STAT5B: variants seen among roughly 807,000 people sequenced by gnomAD.
STAT5B encodes transcription factor STAT5B.
Under a neutral mutation model 107.8 loss-of-function variants are expected in STAT5B, and 21 were observed. The observed-to-expected ratio is 0.19, with a 90% CI of 0.14 to 0.28. STAT5B has a LOEUF of 0.28. STAT5B is among the 10% of genes least tolerant of loss of function. STAT5B has a pLI of 1.00. For missense variants in STAT5B, 565 were observed against 1,008.2 expected, an observed-to-expected ratio of 0.56 and a Z score of 5.95; for synonymous variants, 325 against 401.7, an observed-to-expected ratio of 0.81 and a Z score of 2.28.
chr17:42,208,988 C>T (rs2080107587), intron 15 of STAT5B, among the ~76,000 whole-genome samples: 1 of 151,438 alleles, frequency 6.6e-6, no homozygotes, highest in South Asian at 2.1e-4. Context: ...CTGCCTTGGC[C>T]TCCCAAAGTG....
chr17:42,266,169 C>T (rs952091223), intron 1 of STAT5B, among the ~76,000 whole-genome samples: 3 of 151,790 alleles, frequency 2.0e-5, no homozygotes, highest in African/African-American at 7.3e-5. Context: ...TTCAAATTTA[C>T]CAATAAAACT....
intron 1 of STAT5B, among the ~76,000 whole-genome samples, chr17:42,248,006 AG>A (rs966171256): frequency 3.9e-5 from 6 of 152,032 alleles, no homozygotes; most frequent in African/African-American, 1.2e-4. Flanking sequence ...GGCCAGGCAC[AG>A]TGGCTCATGC....
chr17:42,253,821 G>A (rs187991274), intron 1 of STAT5B, among the ~76,000 whole-genome samples: 1 of 152,148 alleles, frequency 6.6e-6, no homozygotes, highest in African/African-American at 2.4e-5. Flanking sequence ...GATTACAGGC[G>A]TGAGTCACCG....
chr17:42,227,772 A>C (rs989292477), intron 2 of STAT5B, 87 bp from the exon 3 acceptor site: 1 of 1,403,450 alleles, frequency 7.1e-7, no homozygotes, highest in African/African-American at 1.4e-5. Flanking sequence ...CTTTTTCTTC[A>C]ACTAAAGTGA....
At chr17:42,253,145 A>G (rs2080513937) in intron 1 of STAT5B, among the ~76,000 whole-genome samples, 3 of 149,910 alleles carry the variant, frequency 2.0e-5, no homozygotes, top group Admixed American at 2.0e-4. Flanking sequence ...TCTTTTTTTC[A>G]TCTCTGTGAG....
chr17:42,218,076 G>A (rs2080188639), intron 9 of STAT5B, 75 bp downstream of exon 9: 1 of 1,561,156 alleles, frequency 6.4e-7, no homozygotes, highest in African/African-American at 1.4e-5. Flanking sequence ...TCTGACACAG[G>A]AGGCAGAATT....
chr17:42,256,754 G>A (rs1457006209), intron 1 of STAT5B, among the ~76,000 whole-genome samples: 2 of 151,092 alleles, frequency 1.3e-5, no homozygotes, highest in Non-Finnish European at 2.9e-5. Context: ...CCCAGCTACT[G>A]GGGAGGCTGA....
intron 9 of STAT5B, 127 bp from the exon 10 acceptor site, chr17:42,217,591 T>A (rs2080183080): frequency 1.0e-6 from 1 of 957,094 alleles, no homozygotes; most frequent in East Asian, 2.6e-5. Flanking sequence ...TTAGAGGAAA[T>A]GTTAGCTACA....
chr17:42,267,435 C>A (rs762470781), intron 1 of STAT5B, among the ~76,000 whole-genome samples: 2 of 152,164 alleles, frequency 1.3e-5, no homozygotes, highest in South Asian at 4.1e-4. Context: ...ATACTGATGA[C>A]CCTGACCCTG....
chr17:42,201,856 G>A lies in STAT5B; in HGVS notation c.2246C>T (p.Ser749Leu). ...HYNMYPQNPD[S>L]VLDTDGDFDL... is the part of the protein sequence containing the mutation. The stretch of plus-strand genomic sequence containing the variant: ...GAAGTCCCCATCGGTGTCAAGGACT[G>A]AGTCAGGGCTTGGGAGGGAAAGAAG... The change falls in exon 19 of 19, where the codon TCA becomes TTA. Residue 749 changes from serine to leucine, a missense_variant. By Grantham distance (145) the Ser-to-Leu change is moderately radical. Coordinates refer to ENST00000293328, the MANE Select transcript of STAT5B (RefSeq NM_012448.4). 2 of 1,613,952 alleles carry A rather than the reference G, an allele frequency of 1.2e-6. No homozygotes were observed. Among genetic ancestry groups the A allele is most frequent in the Non-Finnish European group, 1.7e-6 (2 of 1,179,968 alleles).
the STAT5B span, among the ~76,000 whole-genome samples, chr17:42,286,018 G>C: frequency 3.3e-5 from 5 of 151,952 alleles, no homozygotes; most frequent in Non-Finnish European, 7.4e-5. Context: ...TCGGGAGTTC[G>C]AGACCAGCCT....
intron 1 of STAT5B, among the ~76,000 whole-genome samples, chr17:42,262,816 A>T (rs2080614968): frequency 7.9e-6 from 1 of 127,230 alleles, no homozygotes; most frequent in Non-Finnish European, 1.7e-5. Flanking sequence ...ATATACACAC[A>T]TATATATGTG....
intron 16 of STAT5B, among the ~76,000 whole-genome samples, chr17:42,207,286 C>T (rs932901882): frequency 1.4e-4 from 22 of 151,902 alleles, no homozygotes; most frequent in African/African-American, 4.8e-4. Flanking sequence ...AAAATTTTAC[C>T]TAATTTTGTT....
intron 1 of STAT5B, among the ~76,000 whole-genome samples, chr17:42,274,011 G>A (rs1257287046): frequency 6.6e-6 from 1 of 152,074 alleles, no homozygotes; most frequent in Non-Finnish European, 1.5e-5. Flanking sequence ...TATTTATGTT[G>A]TAACACTCCA....
intron 3 of STAT5B, among the ~76,000 whole-genome samples, chr17:42,226,110 T>A (rs1598309723): frequency 6.6e-6 from 1 of 152,010 alleles, no homozygotes; most frequent in Non-Finnish European, 1.5e-5. Context: ...AATTTCTGTA[T>A]TTTTAGTAGA....
intron 1 of STAT5B, among the ~76,000 whole-genome samples, chr17:42,254,340 A>G (rs1197238903): frequency 6.6e-6 from 1 of 152,196 alleles, no homozygotes; most frequent in Non-Finnish European, 1.5e-5. Flanking sequence ...TGACTGCACC[A>G]CTGCACTCTG....
chr17:42,262,966 G>GTGTGTA (rs1162985647), intron 1 of STAT5B, among the ~76,000 whole-genome samples: 1 of 38,756 alleles, frequency 2.6e-5, no homozygotes, highest in Non-Finnish European at 4.6e-5. Flanking sequence ...GTGTGTGTGT[G>GTGTGTA]TGTGTATATA....
chr17:42,251,153 T>C (rs2080496230), intron 1 of STAT5B, among the ~76,000 whole-genome samples: 1 of 151,992 alleles, frequency 6.6e-6, no homozygotes, highest in Admixed American at 6.6e-5. Flanking sequence ...AACCAAAGGA[T>C]GCCATATTTG....
At chr17:42,207,477 A>G in intron 16 of STAT5B, 81 bp downstream of exon 16, 1 of 1,518,040 alleles carries the variant, frequency 6.6e-7, no homozygotes, top group Non-Finnish European at 9.0e-7. Context: ...GAGATAACAC[A>G]CGCAGGTATG....
Sources: gnomAD v4.1 joint callset for allele counts (sites outside exome capture counted in the v4.1 genomes callset) on GRCh38, gnomAD v4.1.1 for gene constraint, MANE v1.5 for transcripts, NCBI Gene and HGNC (gene_info 2026-07-23, HGNC 2026-07-21) for gene names.